ICA1: variants seen among roughly 807,000 people sequenced by gnomAD.
The protein encoded by ICA1 is islet cell autoantigen 1.
Under a neutral mutation model 71.0 loss-of-function variants are expected in ICA1, and 40 were observed. The observed-to-expected ratio is 0.56, with a 90% CI of 0.44 to 0.73. ICA1 has a LOEUF of 0.73. Ranked by LOEUF, ICA1 falls within the 30% of genes least tolerant of loss-of-function variation. The pLI is 0.00. For missense variants in ICA1, 578 were observed against 576.5 expected, an observed-to-expected ratio of 1.00 and a Z score of -0.03; for synonymous variants, 207 against 209.5, an observed-to-expected ratio of 0.99 and a Z score of 0.10.
intron 7 of ICA1, 163 bp from the exon 8 acceptor site, chr7:8,157,377 C>T: frequency 1.4e-6 from 1 of 694,088 alleles, no homozygotes; most frequent in Non-Finnish European, 2.3e-6. Context: ...TGTATTTCAG[C>T]CAAACTAAAT....
rs1360757269 is a variant in ICA1 at position 8,218,381 on chromosome 7, C to G, written c.503G>C (p.Gly168Ala). ...CACGTCCTTCATCCATAATAGTGCT[C>G]CTCTATATTCCGTCCTGCACTGTTC... ...RMEQCRTEYR[G>A]ALLWMKDVSQ... The change falls in exon 6 of 14, where the codon GGA becomes GCA. Residue 168 changes from glycine (G) to alanine (A), a missense_variant. Physicochemically the swap from Gly to Ala is moderately conservative, Grantham distance 60. Coordinates refer to ENST00000402384, the MANE Select transcript of ICA1 (RefSeq NM_001136020.3). 1.2e-6 allele frequency: 2 copies of G among 1,614,144 alleles called. No homozygotes were observed. The highest frequency in any genetic ancestry group is 1.7e-5 in the Admixed American group (1 of 60,026).
At chr7:8,216,498 A>G (rs190549442) in intron 6 of ICA1, among the ~76,000 whole-genome samples, 2 of 152,026 alleles carry the variant, frequency 1.3e-5, no homozygotes, top group Admixed American at 6.6e-5. Context: ...AGGAATGGGT[A>G]ATGTTTCAAC....
rs762290540 is a variant in ICA1, at chr7:8,218,522, C to T, written c.381-19G>A. On this transcript the variant is annotated intron_variant, in intron 5 of 13. Coordinates refer to ENST00000402384, the MANE Select transcript of ICA1 (RefSeq NM_001136020.3). Reference sequence around the variant, plus strand: ...GGCCAACCTAGACAAGAGGACAAAGCCACACTCTCAAAACTAAGCCAGTGA... The same window carrying T: ...GGCCAACCTAGACAAGAGGACAAAGTCACACTCTCAAAACTAAGCCAGTGA... The T allele has an allele frequency of 6.2e-7, 1 of 1,610,352 alleles. No homozygotes were observed. Among genetic ancestry groups the T allele is most frequent in the Admixed American group, 1.7e-5 (1 of 59,972 alleles).
At chr7:8,184,982 G>C (rs1482114011) in intron 6 of ICA1, among the ~76,000 whole-genome samples, 2 of 151,994 alleles carry the variant, frequency 1.3e-5, no homozygotes, top group Non-Finnish European at 2.9e-5. Context: ...GCTGAGGTGG[G>C]AGAATTGTTT....
At chr7:8,241,172 T>C (rs906451109) in intron 1 of ICA1, among the ~76,000 whole-genome samples, 3 of 152,240 alleles carry the variant, frequency 2.0e-5, no homozygotes, top group Admixed American at 6.5e-5. Flanking sequence ...AGAGAAAGGT[T>C]GGGTTACCCA....
intron 1 of ICA1, among the ~76,000 whole-genome samples, chr7:8,256,604 C>A (rs1810289787): frequency 6.6e-6 from 1 of 152,208 alleles, no homozygotes; most frequent in Non-Finnish European, 1.5e-5. Context: ...CTATCCCTCT[C>A]CCCATGGGTC....
chr7:8,125,160 C>A (rs142279007), intron 13 of ICA1, among the ~76,000 whole-genome samples: 1 of 152,272 alleles, frequency 6.6e-6, no homozygotes, highest in Admixed American at 6.5e-5. Flanking sequence ...ACAGAATGAC[C>A]CTTTTAAATA....
chr7:8,199,950 T>C (rs191833607), intron 6 of ICA1, among the ~76,000 whole-genome samples: 145 of 152,146 alleles, frequency 9.5e-4, no homozygotes, highest in African/African-American at 3.4e-3. Context: ...GGATGGCTAA[T>C]GGGTACAAAA....
At chr7:8,248,857 C>T (rs1807085608) in intron 1 of ICA1, among the ~76,000 whole-genome samples, 1 of 152,172 alleles carries the variant, frequency 6.6e-6, no homozygotes, top group African/African-American at 2.4e-5. Context: ...CTTCATAGCA[C>T]CACATGCCAT....
intron 4 of ICA1, 49 bp downstream of exon 4, chr7:8,228,552 C>T: frequency 8.7e-7 from 1 of 1,148,142 alleles, no homozygotes; most frequent in Admixed American, 2.2e-5. Context: ...ACAAAATACC[C>T]TGCTATTTCT....
Position 8,223,730 on chromosome 7 carries a change from C to A in ICA1, c.257-2332G>T, listed in dbSNP as rs1191575210. ...ATTGCTTGATACTAGGAGTTCAAGA[C>A]CAGCCTGTGCAACATAGCAAGACCC... On this transcript the variant is annotated intron_variant, in intron 4 of 13. Coordinates refer to ENST00000402384, the MANE Select transcript of ICA1 (RefSeq NM_001136020.3). The surrounding 1 kb of genome is among the most constrained non-coding windows in gnomAD (Gnocchi z 4.1). 2.6e-5 allele frequency among the ~76,000 whole-genome samples: 4 copies of A among 151,982 alleles called. No individual in the cohort carries two copies. The highest frequency in any genetic ancestry group is 6.6e-5 in the Admixed American group (1 of 15,244).
At chr7:8,194,946 T>G (rs1283416123) in intron 6 of ICA1, among the ~76,000 whole-genome samples, 1 of 152,130 alleles carries the variant, frequency 6.6e-6, no homozygotes, top group Non-Finnish European at 1.5e-5. Context: ...AAATTATATG[T>G]GTGGAAGAAA....
chr7:8,236,483 TA>T (rs1801887108), intron 1 of ICA1, among the ~76,000 whole-genome samples: 1 of 152,222 alleles, frequency 6.6e-6, no homozygotes. Context: ...AGGTGGTGAA[TA>T]TATTGCATCT....
chr7:8,179,791 C>T (rs966848947), intron 6 of ICA1, among the ~76,000 whole-genome samples: 4 of 151,560 alleles, frequency 2.6e-5, no homozygotes, highest in Non-Finnish European at 4.4e-5. Context: ...AAGAGTTCTC[C>T]GAATATTTAG....
rs139843608 is a variant in ICA1, at chr7:8,162,348, C to T, written c.580-3696G>A. On this transcript the variant is annotated intron_variant, in intron 6 of 13. Transcript: ENST00000402384. ...ACAATGATTATTAAAATACTTAATG[C>T]ACTGCTGAGTTTCCAAATGCTGAGC... Among the ~76,000 whole-genome samples the T allele has an allele frequency of 1.8e-3, 279 of 152,320 alleles. 6 individuals carry two copies. The South Asian group carries it at 0.038, about 21-fold the overall frequency.
At chr7:8,171,328 T>C (rs757528202) in intron 6 of ICA1, among the ~76,000 whole-genome samples, 3 of 151,988 alleles carry the variant, frequency 2.0e-5, no homozygotes, top group Non-Finnish European at 1.5e-5. Flanking sequence ...TTCATAGATA[T>C]AGGGCTACCA....
chr7:8,179,852 G>A (rs1162378242), intron 6 of ICA1, among the ~76,000 whole-genome samples: 2 of 152,016 alleles, frequency 1.3e-5, no homozygotes, highest in Non-Finnish European at 2.9e-5. Flanking sequence ...AGTTGGATAT[G>A]TAAACAACAG....
intron 1 of ICA1, among the ~76,000 whole-genome samples, chr7:8,249,072 T>C (rs971794390): frequency 6.6e-6 from 1 of 152,240 alleles, no homozygotes; most frequent in African/African-American, 2.4e-5. Context: ...CCCCAGACTT[T>C]TGCGGCTATT....
chr7:8,220,813 T>C (rs1344160281), intron 5 of ICA1, among the ~76,000 whole-genome samples: 1 of 152,172 alleles, frequency 6.6e-6, no homozygotes, highest in African/African-American at 2.4e-5. Flanking sequence ...TCCCGGGTTA[T>C]GGTCCAGGGT....
Sources: gnomAD v4.1 joint callset for allele counts (sites outside exome capture counted in the v4.1 genomes callset) on GRCh38, gnomAD v4.1.1 for gene constraint, Gnocchi (gnomAD v3.1) non-coding constraint, MANE v1.5 for transcripts, NCBI Gene and HGNC (gene_info 2026-07-23, HGNC 2026-07-21) for gene names.